The following CTNNA1 variants were observed in gnomAD, a reference collection of about 807,000 sequenced individuals.
CTNNA1 encodes catenin alpha 1, also known as catenin alpha-1.
Under a neutral mutation model 98.4 loss-of-function variants are expected in CTNNA1, and 37 were observed. The observed-to-expected ratio is 0.38, with a 90% CI of 0.29 to 0.49. The LOEUF (loss-of-function observed/expected upper bound fraction) is 0.49, where lower values mean the gene tolerates loss of function less well. CTNNA1 is among the 20% of genes least tolerant of loss of function. CTNNA1 has a pLI of 0.95. For missense variants in CTNNA1, 761 were observed against 1,147.2 expected, an observed-to-expected ratio of 0.66 and a Z score of 4.86; for synonymous variants, 404 against 413.2, an observed-to-expected ratio of 0.98 and a Z score of 0.27.
At chr5:138,916,071 T>C (rs966443697) in intron 10 of CTNNA1, among the ~76,000 whole-genome samples, 3 of 148,740 alleles carry the variant, frequency 2.0e-5, no homozygotes, top group East Asian at 2.0e-4. Context: ...ACACACACAC[T>C]AAGTGAAAAA....
At chr5:138,825,149 AGGGTCAGCC>A (rs1760518074) in intron 6 of CTNNA1, among the ~76,000 whole-genome samples, 2 of 152,158 alleles carry the variant, frequency 1.3e-5, no homozygotes, top group Admixed American at 6.5e-5. Context: ...AAGTACACGT[AGGGTCAGCC>A]CCCTAGAGGC....
intron 1 of CTNNA1, among the ~76,000 whole-genome samples, chr5:138,771,177 A>G (rs1045419354): frequency 1.3e-5 from 2 of 150,628 alleles, no homozygotes; most frequent in Non-Finnish European, 3.0e-5. Flanking sequence ...GGAGGCACTC[A>G]TATTTGTGAG....
At chr5:138,826,793 G>A (rs1257659826) in intron 6 of CTNNA1, among the ~76,000 whole-genome samples, 1 of 152,142 alleles carries the variant, frequency 6.6e-6, no homozygotes, top group Non-Finnish European at 1.5e-5. Context: ...TTGTATGTGT[G>A]CGCACACGTG....
intron 1 of CTNNA1, among the ~76,000 whole-genome samples, chr5:138,763,956 G>A (rs1211905789): frequency 6.6e-6 from 1 of 152,062 alleles, no homozygotes; most frequent in Non-Finnish European, 1.5e-5. Flanking sequence ...TTTGGGAGGC[G>A]GGCAGATCAC....
At chr5:138,853,315 T>C (rs1244708653) in intron 7 of CTNNA1, among the ~76,000 whole-genome samples, 1 of 152,218 alleles carries the variant, frequency 6.6e-6, no homozygotes, top group Non-Finnish European at 1.5e-5. Context: ...AATGTACTTG[T>C]AAGTCATTGG....
At chr5:138,897,565 A>G (rs189575323) in intron 9 of CTNNA1, among the ~76,000 whole-genome samples, 4 of 152,200 alleles carry the variant, frequency 2.6e-5, no homozygotes, top group Admixed American at 2.6e-4. Flanking sequence ...TATTCTGGCA[A>G]AAAGCAAATT....
intron 7 of CTNNA1, among the ~76,000 whole-genome samples, chr5:138,850,143 T>C (rs1466300420): frequency 6.6e-6 from 1 of 152,244 alleles, no homozygotes; most frequent in African/African-American, 2.4e-5. Context: ...GTTTTCCTAA[T>C]GTTTATTTAC....
At chr5:138,830,806 G>C (rs1403088437) in intron 7 of CTNNA1, among the ~76,000 whole-genome samples, 2 of 152,166 alleles carry the variant, frequency 1.3e-5, no homozygotes, top group African/African-American at 4.8e-5. Flanking sequence ...AGTTTCTATA[G>C]GGGGTTTAAT....
rs765730542 is a variant in CTNNA1 at position 138,933,972 on chromosome 5, A to G, written c.2604A>G (p.Pro868=). 1.2e-6 allele frequency: 2 copies of G among 1,614,164 alleles called. No homozygotes were observed. Among genetic ancestry groups the G allele is most frequent in the South Asian group, 2.2e-5 (2 of 91,084 alleles). The part of the protein sequence containing the change: ...SWKMKAPEKK[P]LVKREKQDET... The stretch of plus-strand genomic sequence containing the variant: ...AGATGAAGGCACCAGAGAAAAAGCC[A>G]TTGGTGAAGAGAGAGAAACAGGATG... The change falls in exon 18 of 18, where the codon CCA becomes CCG. Residue 868 remains proline, a synonymous_variant. Transcript: ENST00000302763.
At chr5:138,880,954 G>T in intron 7 of CTNNA1, 2 of 430,250 alleles carry the variant, frequency 4.6e-6, no homozygotes, top group South Asian at 3.4e-5. Flanking sequence ...AAAACACATT[G>T]AATATGTGAT....
intron 7 of CTNNA1, among the ~76,000 whole-genome samples, chr5:138,849,039 G>A (rs1293552750): frequency 6.6e-6 from 1 of 152,138 alleles, no homozygotes. Flanking sequence ...CTTCTTTATT[G>A]TTAATTCTGA....
Position 138,934,017 on chromosome 5 carries a change from A to G in CTNNA1, c.2649A>G (p.Lys883=), listed in dbSNP as rs951406689. 3 of 1,613,872 alleles carry G rather than the reference A, an allele frequency of 1.9e-6. No homozygotes were observed. In the African/African-American group the frequency reaches 4.0e-5, roughly 22 times the overall value. Residue 883 remains lysine (K), a synonymous_variant, in exon 18 of 18, where the codon AAA becomes AAG. Coordinates refer to ENST00000302763, the MANE Select transcript of CTNNA1 (RefSeq NM_001903.5). ...AGGATGAGACACAGACCAAGATTAA[A>G]CGGGCATCTCAGAAGAAGCACGTGA... ...EKQDETQTKI[K]RASQKKHVNP...
At position 138,934,739 on chromosome 5, in the gene CTNNA1, A is replaced by G. The variant is rs1230052401; in HGVS notation, c.*650A>G. ...AGTGTCTCGATGCCATAATCAGAAC[A>G]CACTTTTTTTCCTCTTTCTCCCAGC... On this transcript the variant is annotated 3_prime_UTR_variant, in exon 18 of 18. Transcript: ENST00000302763. 6.6e-6 allele frequency: 1 copy of G among 152,670 alleles called. No individual in the cohort carries two copies. The highest frequency in any genetic ancestry group is 1.5e-5 in the Non-Finnish European group (1 of 68,070). 9.5% of individuals were successfully genotyped at this position (152,670 alleles called of 1,614,324 possible). A position where few individuals can be genotyped will look rare whatever the true frequency, so the allele number is the denominator to read the frequency against.
intron 1 of CTNNA1, among the ~76,000 whole-genome samples, chr5:138,779,535 T>C (rs984139981): frequency 6.7e-6 from 1 of 150,168 alleles, no homozygotes; most frequent in Non-Finnish European, 1.5e-5. Flanking sequence ...GTCCGTTTTT[T>C]AAAAAAAAAA....
Position 138,862,028 on chromosome 5 carries a change from A to G in CTNNA1, c.1063-24184A>G, listed in dbSNP as rs537348326. Among the ~76,000 whole-genome samples, 3 of 152,312 alleles carry G rather than the reference A, an allele frequency of 2.0e-5. No homozygotes were observed. The South Asian group carries it at 6.2e-4, about 32-fold the overall frequency. On this transcript the variant is annotated intron_variant, in intron 7 of 17. Transcript: ENST00000302763. ...TATCTTGGAAAGACAATGCCAAGAA[A>G]GTTGTTTTCTTGACTTGAAGAATCT...
At chr5:138,843,040 G>A (rs962054485) in intron 7 of CTNNA1, among the ~76,000 whole-genome samples, 2 of 152,102 alleles carry the variant, frequency 1.3e-5, no homozygotes, top group Non-Finnish European at 2.9e-5. Flanking sequence ...TGTATATTTT[G>A]GATTTAAGGT....
At chr5:138,813,843 C>T (rs1049460229) in intron 5 of CTNNA1, among the ~76,000 whole-genome samples, 5 of 152,250 alleles carry the variant, frequency 3.3e-5, no homozygotes, top group African/African-American at 1.2e-4. Context: ...GTCTTGAACT[C>T]CTGGGCTCAA....
At chr5:138,897,559 C>G in intron 9 of CTNNA1, among the ~76,000 whole-genome samples, 1 of 152,024 alleles carries the variant, frequency 6.6e-6, no homozygotes, top group East Asian at 1.9e-4. Context: ...GGCTGATATT[C>G]TGGCAAAAAG....
intron 9 of CTNNA1, 63 bp downstream of exon 9, chr5:138,887,705 C>A: frequency 1.4e-6 from 2 of 1,413,194 alleles, no homozygotes; most frequent in South Asian, 1.3e-5. Flanking sequence ...GAGTTTTAAT[C>A]ACATTATTTA....
Sources: gnomAD v4.1 joint callset for allele counts (sites outside exome capture counted in the v4.1 genomes callset) on GRCh38, gnomAD v4.1.1 for gene constraint, MANE v1.5 for transcripts, NCBI Gene and HGNC (gene_info 2026-07-23, HGNC 2026-07-21) for gene names.